Variants in TTYH3 observed in about 807,000 individuals in gnomAD.
The protein encoded by TTYH3 is protein tweety homolog 3.
TTYH3 carries 23 observed loss-of-function variants against 68.2 expected under a neutral mutation model. The ratio of observed to expected loss-of-function variants is 0.34; its 90% CI spans 0.24 to 0.48. The LOEUF (loss-of-function observed/expected upper bound fraction) is 0.48, where lower values mean the gene tolerates loss of function less well. Among genes scored for constraint, TTYH3 ranks in the 20% least tolerant of loss-of-function variants. The pLI is 0.99. For missense variants in TTYH3, 768 were observed against 727.7 expected, an observed-to-expected ratio of 1.06 and a Z score of -0.64; for synonymous variants, 360 against 332.8, an observed-to-expected ratio of 1.08 and a Z score of -0.89.
chr7:2,658,503 G>A, intron 12 of TTYH3, 44 bp downstream of exon 12: 2 of 1,567,902 alleles, frequency 1.3e-6, no homozygotes, highest in African/African-American at 1.3e-5. Context: ...CACGTCAGCT[G>A]CGGCTGAGAG....
chr7:2,649,110 C>T (rs867865631), intron 5 of TTYH3, among the ~76,000 whole-genome samples: 2 of 152,060 alleles, frequency 1.3e-5, no homozygotes, highest in African/African-American at 4.8e-5. Flanking sequence ...TGAGGTGAGG[C>T]CTCAGATGAG....
At chr7:2,649,871 C>A in intron 6 of TTYH3, 42 bp from the exon 7 acceptor site, 1 of 1,609,924 alleles carries the variant, frequency 6.2e-7, no homozygotes, top group Non-Finnish European at 8.5e-7. Context: ...CCCTTTAGGC[C>A]CAGCTTGGTC....
rs1785952850 is a variant in TTYH3, at chr7:2,645,376, G to T, written c.124-1477G>T. Among the ~76,000 whole-genome samples the T allele has an allele frequency of 6.6e-6, 1 of 152,240 alleles. No homozygotes were observed. Among genetic ancestry groups the T allele is most frequent in the African/African-American group, 2.4e-5 (1 of 41,454 alleles). On this transcript the variant is annotated intron_variant, in intron 1 of 13. Coordinates refer to ENST00000258796, the MANE Select transcript of TTYH3 (RefSeq NM_025250.3). The surrounding 1 kb of genome is among the most constrained non-coding windows in gnomAD (Gnocchi z 4.8). ...GAGCACTCGGCCAGGCAGATCGAAT[G>T]CAGTGCCAGGAGAAGGGACAGCTCT...
At chr7:2,651,970 G>A (rs1786191807) in intron 7 of TTYH3, among the ~76,000 whole-genome samples, 1 of 152,126 alleles carries the variant, frequency 6.6e-6, no homozygotes, top group African/African-American at 2.4e-5. Flanking sequence ...ATGCACACCG[G>A]CACACGTGCA....
At position 2,649,914 on chromosome 7, in the gene TTYH3, G is replaced by T. The variant is rs1786118921; in HGVS notation, c.797G>T (p.Gly266Val). The T allele has an allele frequency of 6.2e-7, 1 of 1,613,788 alleles. No homozygotes were observed. Among genetic ancestry groups the T allele is most frequent in the Admixed American group, 1.7e-5 (1 of 59,980 alleles). Residue 266 changes from glycine to valine, a missense_variant and splice_region_variant, in exon 7 of 14, where the codon GGC becomes GTC. Transcript: ENST00000258796. ...CTTGCTTGCCCACGCCCACCTCAGG[G>T]CTCCAGCGACTTCTGTGTGGACCCT... ...ALGLELAVSV[G>V]SSDFCVDPDA...
At chr7:2,658,711 A>G (rs1786407431) in intron 12 of TTYH3, among the ~76,000 whole-genome samples, 1 of 152,174 alleles carries the variant, frequency 6.6e-6, no homozygotes, top group South Asian at 2.1e-4. Flanking sequence ...GCCCAGCTAC[A>G]TGGTGAACAG....
In TTYH3 at chr7:2,646,898, G is replaced by T. The variant is rs969179357; in HGVS notation, c.169G>T (p.Asp57Tyr). The part of the protein sequence containing the change: ...GAAALACLAL[D>Y]LLFLLFYSFW... ...CGCCGCCCTGGCCTGCCTCGCCCTG[G>T]ACCTCCTCTTCCTGCTCTTCTACTC... The change falls in exon 2 of 14, where the codon GAC becomes TAC. Residue 57 changes from aspartate to tyrosine, a missense_variant. Transcript: ENST00000258796. 1 of 1,598,972 alleles carries T rather than the reference G, an allele frequency of 6.3e-7. No homozygotes were observed. The highest frequency in any genetic ancestry group is 8.5e-7 in the Non-Finnish European group (1 of 1,179,356).
In TTYH3 at chr7:2,649,444, C is replaced by T. The variant is rs1305198715; in HGVS notation, c.723-123C>T. On this transcript the variant is annotated intron_variant, in intron 5 of 13. Coordinates refer to ENST00000258796, the MANE Select transcript of TTYH3 (RefSeq NM_025250.3). Reference sequence around the variant, plus strand: ...GGCTGAGGCCAGGCCACAGGAAGAGCCCCAGCCCATGTGTGGGCTGACCCC... The same window carrying T: ...GGCTGAGGCCAGGCCACAGGAAGAGTCCCAGCCCATGTGTGGGCTGACCCC... 6.3e-6 allele frequency: 6 copies of T among 946,604 alleles called. No individual in the cohort carries two copies. In the African/African-American group the frequency reaches 9.7e-5, roughly 15 times the overall value. The allele number at this position is 946,604 out of a possible 1,614,324, so 58.6% of individuals were successfully genotyped here.
At position 2,661,682 on chromosome 7, in the gene TTYH3, G is replaced by C. The variant is rs956319391; in HGVS notation, c.1515G>C (p.Met505Ile). The change falls in exon 14 of 14, where the codon ATG becomes ATC. Residue 505 changes from methionine to isoleucine, a missense_variant. Met to Ile is a conservative substitution (Grantham distance 10). Coordinates refer to ENST00000258796, the MANE Select transcript of TTYH3 (RefSeq NM_025250.3). ...TCTCCCTCCAGTACACCTCCAGCAT[G>C]AGAGCCAAATACCTCGCCACGAGCC... is the stretch of plus-strand genomic sequence containing the variant. ...ESPPPSYTSS[M>I]RAKYLATSQP... The C allele has an allele frequency of 6.2e-7, 1 of 1,612,174 alleles. No homozygotes were observed. Among genetic ancestry groups the C allele is most frequent in the Non-Finnish European group, 8.5e-7 (1 of 1,179,538 alleles).
intron 1 of TTYH3, among the ~76,000 whole-genome samples, chr7:2,633,485 G>T (rs543939274): frequency 1.3e-5 from 2 of 152,266 alleles, no homozygotes; most frequent in Admixed American, 1.3e-4. Context: ...GAGGAAGGGG[G>T]CGAGGGATCG....
At chr7:2,632,471 C>A (rs992719866) in intron 1 of TTYH3, among the ~76,000 whole-genome samples, 193 bp downstream of exon 1, 2 of 152,026 alleles carry the variant, frequency 1.3e-5, no homozygotes, top group African/African-American at 4.8e-5. Flanking sequence ...AGGACCCTTT[C>A]TTCCAGGGTC....
rs776232710 is a variant in TTYH3, at chr7:2,647,947, G to A, written c.627-12G>A. ...TCCCTGTGCCCTGGCGCACTCCCAG[G>A]TTTGCCTGCAGGTGGCTGGGCTACC... On this transcript the variant is annotated splice_polypyrimidine_tract_variant and intron_variant, in intron 4 of 13. Transcript: ENST00000258796. 6.2e-7 allele frequency: 1 copy of A among 1,605,674 alleles called. No homozygotes were observed. The highest frequency in any genetic ancestry group is 1.3e-5 in the African/African-American group (1 of 74,928).
At chr7:2,646,263 C>G (rs1785978210) in intron 1 of TTYH3, among the ~76,000 whole-genome samples, 1 of 152,238 alleles carries the variant, frequency 6.6e-6, no homozygotes, top group South Asian at 2.1e-4. Context: ...GATCCGCCCG[C>G]CTCGGCCTCC....
chr7:2,653,162 T>G, intron 9 of TTYH3, 152 bp downstream of exon 9: 1 of 653,622 alleles, frequency 1.5e-6, no homozygotes, highest in Non-Finnish European at 2.6e-6. Flanking sequence ...GCATGGGAGG[T>G]GTTCCTCTTC....
chr7:2,648,240 G>C (rs568472422), intron 5 of TTYH3, 186 bp downstream of exon 5: 41 of 600,412 alleles, frequency 6.8e-5, no homozygotes, highest in Admixed American at 1.3e-4. Context: ...CTGTGCCCCT[G>C]TGGCCAGCAT....
intron 1 of TTYH3, among the ~76,000 whole-genome samples, chr7:2,638,562 C>A (rs1437898505): frequency 6.6e-6 from 1 of 152,066 alleles, no homozygotes; most frequent in African/African-American, 2.4e-5. Flanking sequence ...TGCAGCCTGG[C>A]GACCTGGACC....
Position 2,647,574 on chromosome 7 carries a change from T to C in TTYH3, c.562T>C (p.Trp188Arg). 1 of 1,571,144 alleles carries C rather than the reference T, an allele frequency of 6.4e-7. No homozygotes were observed. The highest frequency in any genetic ancestry group is 8.6e-7 in the Non-Finnish European group (1 of 1,159,114). ...LLGYTAAIPF[W>R]RNTAVSLEVL... ...GGGCTACACGGCCGCCATCCCCTTTTGGAGGAACACGGCGGTGTCGCTGGA... is the reference window on the plus strand; with the variant it reads ...GGGCTACACGGCCGCCATCCCCTTTCGGAGGAACACGGCGGTGTCGCTGGA... The change falls in exon 4 of 14, where the codon TGG (tryptophan) becomes CGG (arginine). Residue 188 changes from tryptophan to arginine, a missense_variant. Trp to Arg is a moderately radical substitution (Grantham distance 101, BLOSUM62 -3). Coordinates refer to ENST00000258796, the MANE Select transcript of TTYH3 (RefSeq NM_025250.3).
chr7:2,660,349 C>T, intron 13 of TTYH3: 1 of 985,426 alleles, frequency 1.0e-6, no homozygotes, highest in African/African-American at 1.7e-5. Context: ...AGTGAGGAAT[C>T]CATGCACCCA....
Position 2,646,985 on chromosome 7 carries a change from A to G in TTYH3, c.256A>G (p.Thr86Ala). ...GCACCTGGACGCCGACTGCTGCTGC[A>G]CGGCCTGGTGTGTCATCATCGCCAC... ...EEHLDADCCC[T>A]AWCVIIATLV... is the part of the protein sequence containing the mutation. Residue 86 changes from threonine (T) to alanine (A), a missense_variant, in exon 2 of 14, where the codon ACG (threonine) becomes GCG (alanine). Thr to Ala is a moderately conservative substitution (Grantham distance 58). Coordinates refer to ENST00000258796, the MANE Select transcript of TTYH3 (RefSeq NM_025250.3). The G allele has an allele frequency of 6.3e-7, 1 of 1,589,668 alleles. No individual in the cohort carries two copies. The highest frequency in any genetic ancestry group is 8.5e-7 in the Non-Finnish European group (1 of 1,172,676).
Sources: allele counts gnomAD v4.1 joint callset (sites outside exome capture counted in the v4.1 genomes callset), GRCh38; gene constraint gnomAD v4.1.1; non-coding constraint Gnocchi (gnomAD v3.1); transcripts MANE v1.5; gene names NCBI Gene and HGNC (gene_info 2026-07-23, HGNC 2026-07-21).